The following NAV3 variants were observed in gnomAD, a reference collection of about 807,000 sequenced individuals.
NAV3 encodes neuron navigator 3, also known as pore membrane and/or filament interacting like protein 1.
A neutral mutation model predicts 244.7 loss-of-function variants in NAV3; 87 were observed. The ratio of observed to expected loss-of-function variants is 0.36; its 90% CI spans 0.30 to 0.42. The LOEUF is 0.42. Ranked by LOEUF, NAV3 falls within the 20% of genes least tolerant of loss-of-function variation. NAV3 has a pLI of 1.00. For missense variants in NAV3, 2,663 were observed against 2,893.3 expected, an observed-to-expected ratio of 0.92 and a Z score of 1.83; for synonymous variants, 1,126 against 1,042.2, an observed-to-expected ratio of 1.08 and a Z score of -1.55.
intron 2 of NAV3, among the ~76,000 whole-genome samples, chr12:77,661,628 A>G (rs1711915774): frequency 6.6e-6 from 1 of 152,082 alleles, no homozygotes; most frequent in Admixed American, 6.6e-5. Flanking sequence ...GCTTAATGCC[A>G]GGCCCCCCAA....
In NAV3 at chr12:78,006,852, C is replaced by A. The variant is rs750520245; in HGVS notation, c.1314C>A (p.Ser438Arg). ...TGAATAGTGGTGGCTCAACAAATAG[C>A]AGTCCCAAAGTGTCACCTAAGTTGG... is the stretch of plus-strand genomic sequence containing the variant. ...SGLNSGGSTN[S>R]SPKVSPKLAP... The change falls in exon 8 of 40, where the codon AGC becomes AGA. Residue 438 changes from serine (S) to arginine (R), a missense_variant. Around this residue, in one of 6 missense-constraint regions of NAV3, gnomAD observed 1,521 missense variants for 1,497.0 expected, o/e 1.02. Transcript: ENST00000397909. The A allele has an allele frequency of 6.2e-7, 1 of 1,614,116 alleles. No homozygotes were observed. The highest frequency in any genetic ancestry group is 8.5e-7 in the Non-Finnish European group (1 of 1,180,034).
rs77630310 is a variant in NAV3, at chr12:77,661,550, T to C, written c.72+89284T>C. On this transcript the variant is annotated intron_variant, in intron 2 of 8. Transcript: ENST00000550042. ...TTTAGACATAGGTTTATAATTTTGC[T>C]GAAGTTCAGTTTAACCATTTGTTTC... 5.4e-4 allele frequency among the ~76,000 whole-genome samples: 82 copies of C among 152,232 alleles called. 1 individual carries two copies. In the East Asian group the frequency reaches 0.015, roughly 28 times the overall value.
chr12:77,945,889 C>T (rs1289811688), intron 3 of NAV3, among the ~76,000 whole-genome samples: 1 of 151,692 alleles, frequency 6.6e-6, no homozygotes, highest in East Asian at 1.9e-4. Flanking sequence ...GCTGGGATTA[C>T]AGGTGCCCAC....
chr12:78,024,753 A>G (rs1284525592), intron 9 of NAV3, among the ~76,000 whole-genome samples: 3 of 152,086 alleles, frequency 2.0e-5, no homozygotes, highest in Non-Finnish European at 2.9e-5. Context: ...CAAGGTGGGC[A>G]GATCACGAGG....
At chr12:77,623,848 G>A (rs1871494639) in intron 2 of NAV3, among the ~76,000 whole-genome samples, 1 of 152,138 alleles carries the variant, frequency 6.6e-6, no homozygotes, top group Non-Finnish European at 1.5e-5. Context: ...ATGAATTTAA[G>A]AATCAATCTC....
At chr12:78,146,534 A>G (rs1410134317) in intron 21 of NAV3, 142 bp downstream of exon 21, 4 of 299,402 alleles carry the variant, frequency 1.3e-5, no homozygotes, top group African/African-American at 2.2e-5. Context: ...CTAATTGATA[A>G]ATGGTCTTTG....
rs145447957 is a variant in NAV3, at chr12:77,811,949, C to T, written c.73-128370C>T. 1.7e-3 allele frequency among the ~76,000 whole-genome samples: 266 copies of T among 152,314 alleles called. 2 individuals carry two copies. Among genetic ancestry groups the T allele is most frequent in the African/African-American group, 6.1e-3 (254 of 41,566 alleles). On this transcript the variant is annotated intron_variant, in intron 2 of 8. Transcript: ENST00000550042. ...TAAAAGGTAACCTGCTATCGCCAGC[C>T]ATGATTCCATCATCACTATATTTTT...
At chr12:77,707,804 G>A (rs1010447939) in intron 2 of NAV3, among the ~76,000 whole-genome samples, 6 of 152,128 alleles carry the variant, frequency 3.9e-5, no homozygotes, top group Non-Finnish European at 5.9e-5. Context: ...GCATTTCTCC[G>A]ATGGCCAGTG....
At position 78,189,998 on chromosome 12, in the gene NAV3, A is replaced by G; in HGVS notation, c.6070A>G (p.Ser2024Gly). Residue 2024 changes from serine to glycine, a missense_variant, in exon 34 of 40, where the codon AGT (serine) becomes GGT (glycine). Physicochemically the swap from Ser to Gly is moderately conservative, Grantham distance 56 (BLOSUM62 0). Coordinates refer to ENST00000397909, the MANE Select transcript of NAV3 (RefSeq NM_001024383.2). The part of the protein sequence containing the change: ...TVNLKGVEEN[S>G]LDSFVFDTLI... ...TCTTCTTTCAGGGGTAGAAGAAAATAGTTTGGACAGTTTTGTTTTTGATAC... is the reference window on the plus strand; with the variant it reads ...TCTTCTTTCAGGGGTAGAAGAAAATGGTTTGGACAGTTTTGTTTTTGATAC... The G allele has an allele frequency of 6.2e-7, 1 of 1,612,642 alleles. No individual in the cohort carries two copies. Among genetic ancestry groups the G allele is most frequent in the Non-Finnish European group, 8.5e-7 (1 of 1,179,154 alleles).
intron 9 of NAV3, chr12:78,036,643 G>A: frequency 2.3e-6 from 1 of 434,224 alleles, no homozygotes; most frequent in East Asian, 3.4e-5. Flanking sequence ...ATATATTCGA[G>A]CAAAATATTT....
At chr12:77,634,395 T>G (rs1394470408) in intron 2 of NAV3, among the ~76,000 whole-genome samples, 2 of 152,242 alleles carry the variant, frequency 1.3e-5, no homozygotes, top group Non-Finnish European at 2.9e-5. Context: ...AGGTAATTTT[T>G]GATAATATTT....
intron 12 of NAV3, among the ~76,000 whole-genome samples, chr12:78,116,012 T>G (rs1009128598): frequency 6.6e-6 from 1 of 152,228 alleles, no homozygotes; most frequent in Non-Finnish European, 1.5e-5. Context: ...GATTTTCTTA[T>G]GCACTGTGTG....
chr12:77,674,778 T>C (rs530128935), intron 2 of NAV3, among the ~76,000 whole-genome samples: 1 of 152,358 alleles, frequency 6.6e-6, no homozygotes, highest in Admixed American at 6.5e-5. Context: ...ATTGAATACT[T>C]ACTATATGTT....
chr12:78,119,713 G>T lies in NAV3; in HGVS notation c.3517G>T (p.Ala1173Ser), dbSNP rs772696173. The T allele has an allele frequency of 1.5e-5, 25 of 1,614,010 alleles. No homozygotes were observed. The South Asian group carries it at 2.6e-4, about 17-fold the overall frequency. ...DSNVSSKSAG[A>S]TTSKLREPTK... is the part of the protein sequence containing the mutation. ...CAACGTCAGCAGCAAGTCTGCTGGG[G>T]CCACCACCTCGAAACTGAGAGAACC... The change falls in exon 15 of 40, where the codon GCC becomes TCC. Residue 1173 changes from alanine (A) to serine (S), a missense_variant. This residue lies in a region of NAV3 where 1,521 missense variants were observed against 1,497.0 expected (regional missense o/e 1.02). Coordinates refer to ENST00000397909, the MANE Select transcript of NAV3 (RefSeq NM_001024383.2).
chr12:78,068,006 G>T (rs1390441157), intron 12 of NAV3, among the ~76,000 whole-genome samples: 1 of 151,966 alleles, frequency 6.6e-6, no homozygotes, highest in Non-Finnish European at 1.5e-5. Context: ...GGAAGAGGAG[G>T]AATGAGGAGG....
At chr12:78,176,536 C>T (rs1958235067) in intron 26 of NAV3, 77 bp downstream of exon 26, 5 of 1,421,238 alleles carry the variant, frequency 3.5e-6, no homozygotes, top group East Asian at 2.3e-5. Flanking sequence ...TCCATTTTGG[C>T]AGTAGGCTTT....
At position 78,174,514 on chromosome 12, in the gene NAV3, G is replaced by A. The variant is rs1046514350; in HGVS notation, c.4982-792G>A. 2.0e-5 allele frequency among the ~76,000 whole-genome samples: 3 copies of A among 151,858 alleles called. No individual in the cohort carries two copies. The Admixed American group carries it at 2.0e-4, about 10-fold the overall frequency. On this transcript the variant is annotated intron_variant, in intron 24 of 39. Coordinates refer to ENST00000397909, the MANE Select transcript of NAV3 (RefSeq NM_001024383.2). ...ACATTTAGTAATTAAACTCATTTCA[G>A]TAGTTTGCTTTAAGAATAAAATTAG...
At chr12:77,760,735 A>G (rs1403189558) in intron 2 of NAV3, among the ~76,000 whole-genome samples, 1 of 152,186 alleles carries the variant, frequency 6.6e-6, no homozygotes, top group Non-Finnish European at 1.5e-5. Context: ...AACACACAGC[A>G]TACAAAGAGG....
chr12:77,984,006 T>C (rs1390930072), intron 5 of NAV3, among the ~76,000 whole-genome samples: 3 of 152,186 alleles, frequency 2.0e-5, no homozygotes, highest in African/African-American at 7.2e-5. Context: ...AAGACACTTT[T>C]GGATTCTGTG....
Sources: gnomAD v4.1 joint callset for allele counts (sites outside exome capture counted in the v4.1 genomes callset) on GRCh38, gnomAD v4.1.1 for gene constraint, gnomAD v4.1.1 regional missense constraint, MANE v1.5 for transcripts, NCBI Gene and HGNC (gene_info 2026-07-23, HGNC 2026-07-21) for gene names.